TNFAIP8L1: variants seen among roughly 807,000 people sequenced by gnomAD.
The protein encoded by TNFAIP8L1 is TNF alpha induced protein 8 like 1.
For synonymous variants in TNFAIP8L1, 127 were observed against 125.6 expected (o/e 1.01, Z -0.08); for missense variants, 225 against 266.1 (o/e 0.85, Z 1.08).
At chr19:4,651,157 G>C (rs2088360701) in intron 1 of TNFAIP8L1, among the ~76,000 whole-genome samples, 1 of 151,894 alleles carries the variant, frequency 6.6e-6, no homozygotes. Context: ...TGAGGGTGGG[G>C]AGTGTTGAGC....
intron 1 of TNFAIP8L1, among the ~76,000 whole-genome samples, chr19:4,651,621 G>C (rs977397178): frequency 6.6e-6 from 1 of 151,346 alleles, no homozygotes; most frequent in Non-Finnish European, 1.5e-5. Context: ...ATTTTTAGTA[G>C]AGAGAAACAT....
chr19:4,644,475 G>A (rs553291875), intron 1 of TNFAIP8L1, among the ~76,000 whole-genome samples: 74 of 151,748 alleles, frequency 4.9e-4, no homozygotes, highest in African/African-American at 1.7e-3. Flanking sequence ...AGCCCAGGAG[G>A]TCGAGGCTAT....
rs185831663 is a variant in TNFAIP8L1, at chr19:4,652,211, C to A, written c.342C>A (p.Arg114=). The A allele has an allele frequency of 1.3e-6, 2 of 1,544,622 alleles. No homozygotes were observed. The highest frequency in any genetic ancestry group is 1.7e-6 in the Non-Finnish European group (2 of 1,147,458). ...FHQVDFTFDR[R]VLAAGLLECR... ...AGGTGGACTTCACCTTCGACCGGCG[C>A]GTGCTGGCCGCCGGGCTGCTCGAGT... The change falls in exon 2 of 2, where the codon CGC becomes CGA. Residue 114 remains arginine, a synonymous_variant. Coordinates refer to ENST00000327473, the MANE Select transcript of TNFAIP8L1 (RefSeq NM_152362.3).
Position 4,645,810 on chromosome 19 carries a change from G to A in TNFAIP8L1, c.-3-6057G>A, listed in dbSNP as rs1020272833. Among the ~76,000 whole-genome samples the A allele has an allele frequency of 2.6e-5, 4 of 152,070 alleles. No individual in the cohort carries two copies. The highest frequency in any genetic ancestry group is 2.6e-4 in the Admixed American group (4 of 15,266). On this transcript the variant is annotated intron_variant, in intron 1 of 1. Transcript: ENST00000327473. The surrounding 1 kb of genome is among the most constrained non-coding windows in gnomAD (Gnocchi z 4.1). ...TTGCAGATGGGAAAGCTGCCCCCAT[G>A]CATGGGGCCTGCCAAGGGTCACAGC...
At chr19:4,650,285 G>A (rs965289330) in intron 1 of TNFAIP8L1, among the ~76,000 whole-genome samples, 7 of 151,870 alleles carry the variant, frequency 4.6e-5, no homozygotes, top group African/African-American at 1.7e-4. Context: ...GTTTACCAGG[G>A]AAGAGGCAGG....
In TNFAIP8L1 at chr19:4,652,333, TC is replaced by T. The variant is rs762851555; in HGVS notation, c.466del (p.Leu156TrpfsTer85). On this transcript the variant is annotated frameshift_variant, in exon 2 of 2. Transcript: ENST00000327473. LOFTEE classifies it low-confidence loss of function (END_TRUNC). ...TTCGGCCACCTAGCCGACTGCGACT[TC>T]CTGGCTGCGCTCTACGGCCCCGCCG... Reference protein sequence around the residue: ...HVFGHLADCDFLAALYGPAEP... With the variant: ...HVFGHLADCDXLAALYGPAEP... The T allele has an allele frequency of 2.8e-5, 44 of 1,554,796 alleles. No homozygotes were observed. Among genetic ancestry groups the T allele is most frequent in the Non-Finnish European group, 1.9e-5 (22 of 1,151,776 alleles).
At position 4,655,493 on chromosome 19, in the gene TNFAIP8L1, A is replaced by G. The variant is rs1828460866; in HGVS notation, c.*3063A>G. 1 of 152,180 alleles carries G rather than the reference A, an allele frequency of 6.6e-6. No individual in the cohort carries two copies. The highest frequency in any genetic ancestry group is 1.5e-5 in the Non-Finnish European group (1 of 68,042). The allele number at this position is 152,180 out of a possible 1,614,324, so 9.4% of individuals were successfully genotyped here. A position where few individuals can be genotyped will look rare whatever the true frequency, so the allele number is the denominator to read the frequency against. ...GTCCAGACAGTCTGGACTCTTGTAA[A>G]TTTGAGATTTAATTAAAGGAAACAA... is the stretch of plus-strand genomic sequence containing the variant. On this transcript the variant is annotated 3_prime_UTR_variant, in exon 2 of 2. Transcript: ENST00000327473.
At chr19:4,650,319 G>A (rs1296923862) in intron 1 of TNFAIP8L1, among the ~76,000 whole-genome samples, 1 of 151,840 alleles carries the variant, frequency 6.6e-6, no homozygotes, top group South Asian at 2.1e-4. Flanking sequence ...GGCTTTGGGG[G>A]GTGTATAGGA....
chr19:4,650,833 C>T (rs978043388), intron 1 of TNFAIP8L1, among the ~76,000 whole-genome samples: 2 of 152,014 alleles, frequency 1.3e-5, no homozygotes, highest in African/African-American at 2.4e-5. Flanking sequence ...TAAACCCTGT[C>T]GGGGGCCAGG....
rs1182967830 is a variant in TNFAIP8L1, at chr19:4,652,232, C to G, written c.363C>G (p.Leu121=). The stretch of plus-strand genomic sequence containing the variant: ...GGCGCGTGCTGGCCGCCGGGCTGCT[C>G]GAGTGCCGCGACCTGCTGCACCAGG... ...FDRRVLAAGL[L]ECRDLLHQAV... The change falls in exon 2 of 2, where the codon CTC becomes CTG. Residue 121 remains leucine (L), a synonymous_variant. Coordinates refer to ENST00000327473, the MANE Select transcript of TNFAIP8L1 (RefSeq NM_152362.3). The G allele has an allele frequency of 1.9e-6, 3 of 1,548,372 alleles. No individual in the cohort carries two copies.
chr19:4,652,269 C>A lies in TNFAIP8L1; in HGVS notation c.400C>A (p.His134Asn), dbSNP rs1196787077. Residue 134 changes from histidine to asparagine, a missense_variant, in exon 2 of 2, where the codon CAC (histidine) becomes AAC (asparagine). His to Asn is a moderately conservative substitution (Grantham distance 68). Coordinates refer to ENST00000327473, the MANE Select transcript of TNFAIP8L1 (RefSeq NM_152362.3). ...RDLLHQAVGP[H>N]LTAKSHGRIN... Reference sequence around the variant, plus strand: ...CCTGCTGCACCAGGCCGTGGGTCCCCACCTGACCGCCAAGTCCCACGGCCG... The same window carrying A: ...CCTGCTGCACCAGGCCGTGGGTCCCAACCTGACCGCCAAGTCCCACGGCCG... 15 of 1,564,240 alleles carry A rather than the reference C, an allele frequency of 9.6e-6. No individual in the cohort carries two copies. The East Asian group carries it at 3.6e-4, about 37-fold the overall frequency.
intron 1 of TNFAIP8L1, among the ~76,000 whole-genome samples, chr19:4,644,011 A>G (rs939339197): frequency 2.6e-5 from 4 of 152,092 alleles, no homozygotes; most frequent in African/African-American, 9.7e-5. Flanking sequence ...ACCTGAGGTC[A>G]GGAATTCGAG....
intron 1 of TNFAIP8L1, 130 bp from the exon 2 acceptor site, chr19:4,651,737 T>A: frequency 4.7e-6 from 5 of 1,069,360 alleles, no homozygotes; most frequent in Non-Finnish European, 6.5e-6. Context: ...CGTGAGCCAC[T>A]GCGTCCGGCA....
Position 4,652,422 on chromosome 19 carries a change from A to G in TNFAIP8L1, c.553A>G (p.Ser185Gly). 1 of 1,526,416 alleles carries G rather than the reference A, an allele frequency of 6.6e-7. No homozygotes were observed. The highest frequency in any genetic ancestry group is 8.8e-7 in the Non-Finnish European group (1 of 1,134,006). The allele number at this position is 1,526,416 out of a possible 1,614,324, so 94.6% of individuals were successfully genotyped here. A position where few individuals can be genotyped will look rare whatever the true frequency, so the allele number is the denominator to read the frequency against. ...CCTGGGCCGGATGCTGGACGAGGGC[A>G]GCCTCTGAACCCCGGCGCCGCCCAA... ...EGLGRMLDEG[S>G]L is the part of the protein sequence containing the mutation. Residue 185 changes from serine to glycine, a missense_variant, in exon 2 of 2, where the codon AGC becomes GGC. Transcript: ENST00000327473.
chr19:4,644,187 C>G (rs1484873312), intron 1 of TNFAIP8L1, among the ~76,000 whole-genome samples: 3 of 152,030 alleles, frequency 2.0e-5, no homozygotes, highest in Non-Finnish European at 4.4e-5. Flanking sequence ...TGCCATTGCA[C>G]TCCAGCCTGG....
intron 1 of TNFAIP8L1, among the ~76,000 whole-genome samples, chr19:4,644,329 C>T (rs1169619046): frequency 1.3e-5 from 2 of 150,778 alleles, no homozygotes; most frequent in Non-Finnish European, 2.9e-5. Flanking sequence ...CACTTGAGCC[C>T]AGGAGTTCGA....
In TNFAIP8L1 at chr19:4,641,074, C is replaced by T. The variant is rs972149749; in HGVS notation, c.-4+1445C>T. ...GAACCCTGCTCCAATGGTGGGGTGG[C>T]TCTGCAGACGGGTGCAGGTCTGAGG... On this transcript the variant is annotated intron_variant, in intron 1 of 1. Transcript: ENST00000327473. The surrounding 1 kb of genome is among the most constrained non-coding windows in gnomAD (Gnocchi z 4.6). 2 of 152,238 alleles carry T rather than the reference C, an allele frequency of 1.3e-5. No homozygotes were observed. Among genetic ancestry groups the T allele is most frequent in the Middle Eastern group, 3.2e-3 (1 of 316 alleles). The allele number at this position is 152,238 out of a possible 1,614,324, so 9.4% of individuals were successfully genotyped here.
In TNFAIP8L1 at chr19:4,643,005, A is replaced by C. The variant is rs1482598443; in HGVS notation, c.-4+3376A>C. 2.6e-5 allele frequency among the ~76,000 whole-genome samples: 4 copies of C among 152,090 alleles called. No individual in the cohort carries two copies. In the East Asian group the frequency reaches 5.8e-4, roughly 22 times the overall value. ...GATAAGAAGTGGGTTGCGTTAGGCC[A>C]GGCAGGGTGGCTCATGTAATCCCAG... On this transcript the variant is annotated intron_variant, in intron 1 of 1. Transcript: ENST00000327473.
At chr19:4,647,799 ATTT>A (rs998908725) in intron 1 of TNFAIP8L1, among the ~76,000 whole-genome samples, 5 of 149,710 alleles carry the variant, frequency 3.3e-5, no homozygotes, top group African/African-American at 1.2e-4. Flanking sequence ...ATTAAAAAAA[ATTT>A]TTTTTTGTAG....
Sources: gnomAD v4.1 joint callset for allele counts (sites outside exome capture counted in the v4.1 genomes callset) on GRCh38, gnomAD v4.1.1 for gene constraint, Gnocchi (gnomAD v3.1) non-coding constraint, MANE v1.5 for transcripts, NCBI Gene and HGNC (gene_info 2026-07-23, HGNC 2026-07-21) for gene names.